The following MTPAP variants were observed in gnomAD, a reference collection of about 807,000 sequenced individuals.
MTPAP encodes the protein mitochondrial poly(A) polymerase.
Under a neutral mutation model 48.7 loss-of-function variants are expected in MTPAP, and 23 were observed. The ratio of observed to expected loss-of-function variants is 0.47; its 90% CI spans 0.34 to 0.67. The LOEUF is 0.67. MTPAP is among the 30% of genes least tolerant of loss of function. The pLI, the probability that MTPAP is intolerant of heterozygous loss-of-function variation, is 0.01. For synonymous variants in MTPAP, 257 were observed against 254.1 expected (o/e 1.01, Z -0.11); for missense variants, 614 against 694.3 (o/e 0.88, Z 1.30).
At position 30,349,247 on chromosome 10, in the gene MTPAP, G is replaced by A; in HGVS notation, c.29C>T (p.Thr10Ile). ...TCTCCGGGCACACAGGTTCAAACGG[G>A]TCAAGAGCCCCACGCCGGGAACCGC... MAVPGVGLL[T>I]RLNLCARRRT... The change falls in exon 1 of 9, where the codon ACC (threonine) becomes ATC (isoleucine). Residue 10 changes from threonine to isoleucine, a missense_variant. Physicochemically the swap from Thr to Ile is moderately conservative, Grantham distance 89. Transcript: ENST00000263063. 6.5e-7 allele frequency: 1 copy of A among 1,545,744 alleles called. No individual in the cohort carries two copies.
rs1314956787 is a variant in MTPAP at position 30,310,477 on chromosome 10, T to G, written c.*3132A>C. On this transcript the variant is annotated 3_prime_UTR_variant, in exon 9 of 9. Coordinates refer to ENST00000263063, the MANE Select transcript of MTPAP (RefSeq NM_018109.4). ...GGCATGCACCTGTAATCCCAGCTAC[T>G]CAGGAGGCTGAGGCAGAAGAATCAC... 6.7e-6 allele frequency: 1 copy of G among 149,472 alleles called. No individual in the cohort carries two copies. Among genetic ancestry groups the G allele is most frequent in the African/African-American group, 2.5e-5 (1 of 40,240 alleles). The allele number at this position is 149,472 out of a possible 1,614,324, so 9.3% of individuals were successfully genotyped here.
At chr10:30,346,244 T>C (rs148772942) in intron 1 of MTPAP, among the ~76,000 whole-genome samples, 2,639 of 152,258 alleles carry the variant, frequency 0.017, 34 homozygotes, top group Non-Finnish European at 0.025. Flanking sequence ...TCAGGCCTTA[T>C]TGAGACAAAC....
rs756423163 is a variant in MTPAP, at chr10:30,336,812, G to C, written c.771C>G (p.Ser257Arg). ...AAAGAAATAGACTTACCTTGTGAGCGCTGAGGTTTCTGGTTTCATCTAGAT... is the reference window on the plus strand; with the variant it reads ...AAAGAAATAGACTTACCTTGTGAGCCCTGAGGTTTCTGGTTTCATCTAGAT... The part of the protein sequence containing the change: ...FLDLDETRNL[S>R]AHKISGNFLM... Residue 257 changes from serine to arginine, a missense_variant, in exon 4 of 9, where the codon AGC becomes AGG. By Grantham distance (110) the Ser-to-Arg change is moderately radical. This residue lies in a region of MTPAP where 261 missense variants were observed against 355.4 expected (regional missense o/e 0.73). Transcript: ENST00000263063. 4 of 1,603,886 alleles carry C rather than the reference G, an allele frequency of 2.5e-6. No homozygotes were observed. In the East Asian group the frequency reaches 8.9e-5, roughly 36 times the overall value.
At chr10:30,349,063 T>C in intron 1 of MTPAP, 56 bp downstream of exon 1, 1 of 1,612,394 alleles carries the variant, frequency 6.2e-7, no homozygotes, top group Non-Finnish European at 8.5e-7. Context: ...TTCCCCGTGA[T>C]CCCAGACTCC....
At chr10:30,346,236 AG>A (rs944326282) in intron 1 of MTPAP, among the ~76,000 whole-genome samples, 1 of 152,196 alleles carries the variant, frequency 6.6e-6, no homozygotes, top group African/African-American at 2.4e-5. Flanking sequence ...AAAGAACTTC[AG>A]GCCTTATTGA....
chr10:30,324,179 C>T (rs76200132), intron 5 of MTPAP, among the ~76,000 whole-genome samples: 8,266 of 148,366 alleles, frequency 0.056, 710 homozygotes, highest in African/African-American at 0.2. Context: ...AAGGCATCAT[C>T]TCAAACACAC....
chr10:30,331,353 G>A (rs189172526), intron 4 of MTPAP, among the ~76,000 whole-genome samples: 161 of 152,222 alleles, frequency 1.1e-3, no homozygotes, highest in Non-Finnish European at 1.8e-3. Flanking sequence ...CAGTACTCAA[G>A]ACTTAGGCAC....
At chr10:30,338,402 G>A (rs1834756722) in intron 3 of MTPAP, among the ~76,000 whole-genome samples, 1 of 152,028 alleles carries the variant, frequency 6.6e-6, no homozygotes, top group Non-Finnish European at 1.5e-5. Context: ...GGCCGGGCTC[G>A]GTGGCTCATG....
chr10:30,336,932 C>A lies in MTPAP; in HGVS notation c.651G>T (p.Met217Ile). The A allele has an allele frequency of 6.2e-7, 1 of 1,613,530 alleles. No homozygotes were observed. The highest frequency in any genetic ancestry group is 8.5e-7 in the Non-Finnish European group (1 of 1,179,986). The change falls in exon 4 of 9, where the codon ATG becomes ATT. Residue 217 changes from methionine (M) to isoleucine (I), a missense_variant. Physicochemically the swap from Met to Ile is conservative, Grantham distance 10 (BLOSUM62 1). Transcript: ENST00000263063. ...RYLTCSLIED[M>I]AAAYFPDCIV... ...TGCAGTCTGGAAAATACGCGGCGGC[C>A]ATGTCTTCAATAAGAGAACAGGTGA...
intron 1 of MTPAP, among the ~76,000 whole-genome samples, chr10:30,346,532 TAC>T (rs1247258425): frequency 1.3e-5 from 2 of 152,186 alleles, no homozygotes; most frequent in Non-Finnish European, 2.9e-5. Context: ...CACTGTCACA[TAC>T]ACACTCTTCT....
At chr10:30,346,175 T>C (rs1246623357) in intron 1 of MTPAP, among the ~76,000 whole-genome samples, 2 of 152,024 alleles carry the variant, frequency 1.3e-5, no homozygotes, top group South Asian at 2.1e-4. Flanking sequence ...TGATGCATCA[T>C]AGGAATGTCT....
chr10:30,322,398 G>A lies in MTPAP; in HGVS notation c.1212C>T (p.Thr404=). The A allele has an allele frequency of 6.3e-7, 1 of 1,599,880 alleles. No homozygotes were observed. The highest frequency in any genetic ancestry group is 2.2e-5 in the East Asian group (1 of 44,798). The change falls in exon 6 of 9, where the codon ACC becomes ACT. Residue 404 remains threonine, a synonymous_variant. Transcript: ENST00000263063. ...GTTTCTTTCTAGTCTTACCTGCTAG[G>A]GTTTTTAAGGAATCTAGTGTTGGAA... ...PILPTLDSLK[T]LADAEDKCVI... is the part of the protein sequence containing the mutation.
At chr10:30,328,934 T>G (rs781696791) in intron 4 of MTPAP, among the ~76,000 whole-genome samples, 3 of 151,954 alleles carry the variant, frequency 2.0e-5, no homozygotes, top group Non-Finnish European at 4.4e-5. Flanking sequence ...ACATCCTAGG[T>G]TGTTTTGTTG....
At chr10:30,322,710 C>T (rs1451924413) in intron 5 of MTPAP, 93 bp from the exon 6 acceptor site, 6 of 841,450 alleles carry the variant, frequency 7.1e-6, no homozygotes, top group African/African-American at 1.7e-5. Flanking sequence ...ATCTAAATAT[C>T]CTACTATATC....
Position 30,329,522 on chromosome 10 carries a change from C to T in MTPAP, c.781-2887G>A, listed in dbSNP as rs534909744. On this transcript the variant is annotated intron_variant, in intron 4 of 8. Coordinates refer to ENST00000263063, the MANE Select transcript of MTPAP (RefSeq NM_018109.4). ...GTGCTGTCATTACAGGCATGAAGCACTGGGCCCGGCCACTTCCTGGGTTCT... is the reference window on the plus strand; with the variant it reads ...GTGCTGTCATTACAGGCATGAAGCATTGGGCCCGGCCACTTCCTGGGTTCT... Among the ~76,000 whole-genome samples, 16 of 152,254 alleles carry T rather than the reference C, an allele frequency of 1.1e-4. No individual in the cohort carries two copies. The East Asian group carries it at 3.1e-3, about 29-fold the overall frequency.
rs763190786 is a variant in MTPAP at position 30,349,184 on chromosome 10, C to T, written c.92G>A (p.Ser31Asn). The T allele has an allele frequency of 1.5e-4, 244 of 1,600,510 alleles. No homozygotes were observed. The highest frequency in any genetic ancestry group is 2.2e-4 in the Admixed American group (13 of 58,916). Reference sequence around the variant, plus strand: ...GTCTTTGGCCACAGTTCCTGGGCAACTCAAAAGCCTGACGATAGGCCGCTG... The same window carrying T: ...GTCTTTGGCCACAGTTCCTGGGCAATTCAAAAGCCTGACGATAGGCCGCTG... ...RVQRPIVRLL[S>N]CPGTVAKDLR... The change falls in exon 1 of 9, where the codon AGT becomes AAT. Residue 31 changes from serine (S) to asparagine (N), a missense_variant. Around this residue, in one of 5 missense-constraint regions of MTPAP, gnomAD observed 125 missense variants for 111.5 expected, o/e 1.12. Transcript: ENST00000263063.
intron 1 of MTPAP, among the ~76,000 whole-genome samples, chr10:30,348,473 G>A (rs1459628179): frequency 6.6e-6 from 1 of 152,144 alleles, no homozygotes. Context: ...ACTGTAAATA[G>A]AATACACAAG....
intron 5 of MTPAP, among the ~76,000 whole-genome samples, chr10:30,324,163 C>G (rs1564519813): frequency 1.3e-5 from 2 of 152,004 alleles, no homozygotes; most frequent in Admixed American, 6.6e-5. Flanking sequence ...GTCTTGGCGA[C>G]AGAGTAAGGC....
rs550532139 is a variant in MTPAP at position 30,349,116 on chromosome 10, C to G, written c.157+3G>C. 2.5e-6 allele frequency: 4 copies of G among 1,613,682 alleles called. No individual in the cohort carries two copies. In the African/African-American group the frequency reaches 5.3e-5, roughly 22 times the overall value. On this transcript the variant is annotated splice_donor_region_variant and intron_variant, in intron 1 of 8. Transcript: ENST00000263063. ...GAACTACAGGGCAAACCGGCGCCATCACCTGTCTCCACGCTCCCTGAAGGC... is the reference window on the plus strand; with the variant it reads ...GAACTACAGGGCAAACCGGCGCCATGACCTGTCTCCACGCTCCCTGAAGGC...
Sources: allele counts gnomAD v4.1 joint callset (sites outside exome capture counted in the v4.1 genomes callset), GRCh38; gene constraint gnomAD v4.1.1; regional missense constraint gnomAD v4.1.1; transcripts MANE v1.5; gene names NCBI Gene and HGNC (gene_info 2026-07-23, HGNC 2026-07-21).